Variants in NOC3L observed in about 807,000 individuals in gnomAD.
NOC3L encodes nucleolar complex protein 3 homolog.
Under a neutral mutation model 102.5 loss-of-function variants are expected in NOC3L, and 85 were observed. The observed-to-expected ratio is 0.83, with a 90% CI of 0.70 to 0.99. The LOEUF is 0.99. NOC3L is among the 50% of genes least tolerant of loss of function. NOC3L has a pLI of 0.00. For synonymous variants in NOC3L, 303 were observed against 309.4 expected, an observed-to-expected ratio of 0.98 and a Z score of 0.22; for missense variants, 878 against 914.9, an observed-to-expected ratio of 0.96 and a Z score of 0.52.
At chr10:94,332,210 CA>C (rs2054167735), downstream of NOC3L, 1 of 152,156 alleles carries the variant, frequency 6.6e-6, no homozygotes, top group Non-Finnish European at 1.5e-5. Flanking sequence ...ACATACTATG[CA>C]CAAGCCTGTC....
the NOC3L span, chr10:94,325,003 T>C: frequency 6.2e-7 from 1 of 1,614,150 alleles, no homozygotes; most frequent in Non-Finnish European, 8.5e-7. Context: ...GCTCTTGACC[T>C]CAGAAAGTAT....
chr10:94,333,286 C>T lies in NOC3L; in HGVS notation c.*891G>A, dbSNP rs2054180217. 6.6e-6 allele frequency: 1 copy of T among 152,120 alleles called. No individual in the cohort carries two copies. The highest frequency in any genetic ancestry group is 1.5e-5 in the Non-Finnish European group (1 of 68,008). 9.4% of individuals were successfully genotyped at this position (152,120 alleles called of 1,614,324 possible). On this transcript the variant is annotated 3_prime_UTR_variant, in exon 21 of 21. Coordinates refer to ENST00000371361, the MANE Select transcript of NOC3L (RefSeq NM_022451.11). ...ATTCACAATAGAGAATATTTATAAT[C>T]TAGTCACTGAAACACGCATTTCTTA...
intron 1 of NOC3L, among the ~76,000 whole-genome samples, chr10:94,362,537 CCTG>C (rs1390088174): frequency 2.0e-5 from 3 of 152,256 alleles, no homozygotes; most frequent in East Asian, 3.9e-4. Context: ...AGGGTAGGAC[CCTG>C]CTTCTCATTT....
At chr10:94,346,588 CTTAATA>C (rs1318745881) in intron 10 of NOC3L, 32 bp from the exon 11 acceptor site, 27 of 1,201,758 alleles carry the variant, frequency 2.2e-5, no homozygotes, top group Non-Finnish European at 3.0e-5. Flanking sequence ...AAATATACAG[CTTAATA>C]TTTATATTGC....
chr10:94,319,080 G>A, the NOC3L span, among the ~76,000 whole-genome samples: 1 of 152,062 alleles, frequency 6.6e-6, no homozygotes, highest in Non-Finnish European at 1.5e-5. Context: ...ACAACAGGCA[G>A]TAGGGACCTC....
chr10:94,340,566 A>C, intron 14 of NOC3L, 70 bp from the exon 15 acceptor site: 1 of 1,362,186 alleles, frequency 7.3e-7, no homozygotes, highest in Non-Finnish European at 1.0e-6. Flanking sequence ...TATAGCTTTA[A>C]AAAAGAACTT....
intron 8 of NOC3L, among the ~76,000 whole-genome samples, chr10:94,351,204 C>G (rs1026100961): frequency 2.6e-5 from 4 of 152,114 alleles, no homozygotes; most frequent in African/African-American, 9.7e-5. Context: ...AGCTGGAACA[C>G]CAGAACATAG....
At chr10:94,349,116 T>G (rs1201754456) in intron 10 of NOC3L, 134 bp downstream of exon 10, 3 of 888,276 alleles carry the variant, frequency 3.4e-6, no homozygotes, top group East Asian at 6.1e-5. Context: ...ATTTCAGGAG[T>G]TGACATGTTA....
At position 94,334,709 on chromosome 10, in the gene NOC3L, A is replaced by G; in HGVS notation, c.2199T>C (p.Thr733=). 1 of 1,611,338 alleles carries G rather than the reference A, an allele frequency of 6.2e-7. No individual in the cohort carries two copies. The highest frequency in any genetic ancestry group is 1.1e-5 in the South Asian group (1 of 90,552). The change falls in exon 20 of 21, where the codon ACT becomes ACC. Residue 733 remains threonine, a synonymous_variant. Coordinates refer to ENST00000371361, the MANE Select transcript of NOC3L (RefSeq NM_022451.11). ...LKPELSRRSA[T]ELFEAYSMAE... is the part of the protein sequence containing the mutation. Reference sequence around the variant, plus strand: ...CCATGCTATATGCCTCAAAAAGTTCAGTAGCAGATCTAAATCACAAACACA... The same window carrying G: ...CCATGCTATATGCCTCAAAAAGTTCGGTAGCAGATCTAAATCACAAACACA...
chr10:94,339,828 C>A lies in NOC3L; in HGVS notation c.1873G>T (p.Ala625Ser). 2 of 1,614,180 alleles carry A rather than the reference C, an allele frequency of 1.2e-6. No homozygotes were observed. Among genetic ancestry groups the A allele is most frequent in the Non-Finnish European group, 1.7e-6 (2 of 1,180,028 alleles). ...AGGGTACAAAGGCGTTTGATGAAGG[C>A]AAGAGCTCGCTGCTGAGAAACTTGC... The part of the protein sequence containing the change: ...RKQVSQQRAL[A>S]FIKRLCTLAL... Residue 625 changes from alanine to serine, a missense_variant, in exon 17 of 21, where the codon GCC (alanine) becomes TCC (serine). Ala to Ser is a moderately conservative substitution (Grantham distance 99, BLOSUM62 1). Coordinates refer to ENST00000371361, the MANE Select transcript of NOC3L (RefSeq NM_022451.11).
chr10:94,321,181 A>C, the NOC3L span, among the ~76,000 whole-genome samples: 1 of 152,306 alleles, frequency 6.6e-6, no homozygotes, highest in East Asian at 1.9e-4. Flanking sequence ...CATGGTTTAT[A>C]TTTCAGATGT....
chr10:94,361,826 G>T lies in NOC3L; in HGVS notation c.56C>A (p.Thr19Asn). The change falls in exon 2 of 21, where the codon ACT (threonine) becomes AAT (asparagine). Residue 19 changes from threonine (T) to asparagine (N), a missense_variant. Transcript: ENST00000371361. ...CTTGTTTTCAAGTTTGACTTTACTA[G>T]TTTTTATTAACTTGCGAAAGCTTGG... ...QIPSFRKLIK[T>N]SKVKLENKLK... is the part of the protein sequence containing the mutation. The T allele has an allele frequency of 1.2e-6, 2 of 1,613,422 alleles. No individual in the cohort carries two copies. The highest frequency in any genetic ancestry group is 4.5e-5 in the East Asian group (2 of 44,866).
chr10:94,331,312 C>A (rs576092894), downstream of NOC3L: 1 of 152,156 alleles, frequency 6.6e-6, no homozygotes, highest in Non-Finnish European at 1.5e-5. Context: ...ATCAATTTAC[C>A]TTTTGCTAAC....
intron 7 of NOC3L, 71 bp downstream of exon 7, chr10:94,352,821 CAAAA>C (rs878868350): frequency 1.0e-5 from 11 of 1,052,604 alleles, no homozygotes; most frequent in Non-Finnish European, 1.4e-5. Context: ...AACTCTGCCT[CAAAA>C]AAAAAAAGTC....
the NOC3L span, chr10:94,316,642 G>A: frequency 1.2e-6 from 2 of 1,611,110 alleles, no homozygotes; most frequent in Non-Finnish European, 1.7e-6. Context: ...ATGAATGTAG[G>A]AAACAACCAT....
the NOC3L span, among the ~76,000 whole-genome samples, chr10:94,316,198 A>G: frequency 1.3e-5 from 2 of 152,208 alleles, no homozygotes; most frequent in Non-Finnish European, 2.9e-5. Flanking sequence ...CTTAGTAAAT[A>G]CTAAACTAGG....
chr10:94,316,841 A>G, the NOC3L span: 1 of 945,990 alleles, frequency 1.1e-6, no homozygotes, highest in Non-Finnish European at 1.7e-6. Context: ...TGAAATTCAG[A>G]ATTTCTTGTA....
chr10:94,358,176 G>A lies in NOC3L; in HGVS notation c.257C>T (p.Ala86Val), dbSNP rs2054509932. The A allele has an allele frequency of 6.2e-7, 1 of 1,606,172 alleles. No individual in the cohort carries two copies. ...IEREEEEEEE[A>V]LPLDMMDEDD... ...TTCATCCATCATATCTAAAGGAAGG[G>A]CTTCTTCTTCTTCCTCTTCTTCCCT... Residue 86 changes from alanine (A) to valine (V), a missense_variant, in exon 3 of 21, where the codon GCC becomes GTC. Coordinates refer to ENST00000371361, the MANE Select transcript of NOC3L (RefSeq NM_022451.11).
chr10:94,334,657 C>G lies in NOC3L; in HGVS notation c.2251G>C (p.Glu751Gln), dbSNP rs1392992389. 6.2e-7 allele frequency: 1 copy of G among 1,612,738 alleles called. No individual in the cohort carries two copies. The highest frequency in any genetic ancestry group is 8.5e-7 in the Non-Finnish European group (1 of 1,179,548). ...ACCTTTATTTTGGGGTTTGAAGATT[C>G]AACAGGAGGATTGAATGTCATTTCT... is the stretch of plus-strand genomic sequence containing the variant. The part of the protein sequence containing the change: ...MAEMTFNPPV[E>Q]SSNPKIKGKF... The change falls in exon 20 of 21, where the codon GAA becomes CAA. Residue 751 changes from glutamate to glutamine, a missense_variant. Physicochemically the swap from Glu to Gln is conservative, Grantham distance 29 (BLOSUM62 2). Transcript: ENST00000371361.
Sources: allele counts gnomAD v4.1 joint callset (sites outside exome capture counted in the v4.1 genomes callset), GRCh38; gene constraint gnomAD v4.1.1; transcripts MANE v1.5; gene names NCBI Gene and HGNC (gene_info 2026-07-23, HGNC 2026-07-21).